Variants in ITPR2 observed in about 807,000 individuals in gnomAD.
ITPR2 encodes the protein inositol 1,4,5-trisphosphate receptor type 2, also known as inositol 1,4,5-trisphosphate-gated calcium channel ITPR2.
ITPR2 carries 207 observed loss-of-function variants against 317.1 expected under a neutral mutation model. The observed-to-expected ratio is 0.65, with a 90% CI of 0.58 to 0.73. The LOEUF (loss-of-function observed/expected upper bound fraction) is 0.73. Among genes scored for constraint, ITPR2 ranks in the 30% least tolerant of loss-of-function variants. The pLI is 0.00. For missense variants in ITPR2, 2,613 were observed against 3,284.0 expected (o/e 0.80, Z 4.99); for synonymous variants, 1,156 against 1,149.1 (o/e 1.01, Z -0.12).
intron 55 of ITPR2, among the ~76,000 whole-genome samples, chr12:26,359,780 T>C (rs552200353): frequency 2.0e-5 from 3 of 152,066 alleles, no homozygotes; most frequent in Admixed American, 2.0e-4. Context: ...AGTTAACACA[T>C]TTTCAGGGAC....
At chr12:26,608,450 C>T (rs1946188396) in intron 26 of ITPR2, among the ~76,000 whole-genome samples, 1 of 152,042 alleles carries the variant, frequency 6.6e-6, no homozygotes, top group Non-Finnish European at 1.5e-5. Flanking sequence ...CCGGCAGCCC[C>T]ACTGTCTGTG....
chr12:26,686,431 T>A, intron 11 of ITPR2, 50 bp downstream of exon 11: 1 of 1,230,456 alleles, frequency 8.1e-7, no homozygotes. Context: ...ATTCCTCACC[T>A]ACTGGTATAA....
chr12:26,607,027 T>C (rs1946146215), intron 26 of ITPR2, among the ~76,000 whole-genome samples: 1 of 152,192 alleles, frequency 6.6e-6, no homozygotes, highest in African/African-American at 2.4e-5. Context: ...ATTTTCCAAA[T>C]CCTACAATGT....
intron 34 of ITPR2, among the ~76,000 whole-genome samples, chr12:26,578,247 C>A (rs1945320688): frequency 6.6e-6 from 1 of 151,692 alleles, no homozygotes; most frequent in African/African-American, 2.4e-5. Context: ...CTTCTAGAAT[C>A]TACTCACCTT....
chr12:26,493,386 C>T (rs1018030827), intron 39 of ITPR2, among the ~76,000 whole-genome samples: 17 of 152,124 alleles, frequency 1.1e-4, no homozygotes, highest in African/African-American at 4.1e-4. Flanking sequence ...TAATTATATA[C>T]TTAGTAGTAA....
Position 26,483,726 on chromosome 12 carries a change from T to A in ITPR2, c.5984A>T (p.Tyr1995Phe). ...VNQNLESLTE[Y>F]CQGPCHENQT... ...ATTTTCATGGCAAGGGCCCTGGCAATACTCAGTCAAGCTCTCCAGGTTCTG... is the reference window on the plus strand; with the variant it reads ...ATTTTCATGGCAAGGGCCCTGGCAAAACTCAGTCAAGCTCTCCAGGTTCTG... Residue 1995 changes from tyrosine (Y) to phenylalanine (F), a missense_variant, in exon 42 of 57, where the codon TAT (tyrosine) becomes TTT (phenylalanine). Tyr to Phe is a conservative substitution (Grantham distance 22). This residue lies in a region of ITPR2 where 926 missense variants were observed against 1,072.8 expected (regional missense o/e 0.86). Coordinates refer to ENST00000381340, the MANE Select transcript of ITPR2 (RefSeq NM_002223.4). 6.2e-7 allele frequency: 1 copy of A among 1,614,134 alleles called. No homozygotes were observed. Among genetic ancestry groups the A allele is most frequent in the African/African-American group, 1.3e-5 (1 of 75,064 alleles).
chr12:26,426,668 G>C (rs1941069947), intron 49 of ITPR2, among the ~76,000 whole-genome samples: 1 of 152,048 alleles, frequency 6.6e-6, no homozygotes, highest in South Asian at 2.1e-4. Context: ...GAATGTTCTA[G>C]CTAATTGGGA....
chr12:26,561,781 T>C lies in ITPR2; in HGVS notation c.4802A>G (p.Asn1601Ser). 1 of 1,575,664 alleles carries C rather than the reference T, an allele frequency of 6.3e-7. No individual in the cohort carries two copies. Among genetic ancestry groups the C allele is most frequent in the Non-Finnish European group, 8.5e-7 (1 of 1,169,766 alleles). Reference protein sequence around the residue: ...ALGGPAWDYRNIIEKLQDVVA... With the variant: ...ALGGPAWDYRSIIEKLQDVVA... Reference sequence around the variant, plus strand: ...ATGTACCTGTAACTTTTCAATAATATTTCTGTAATCCCAAGCAGGCCCTCC... The same window carrying C: ...ATGTACCTGTAACTTTTCAATAATACTTCTGTAATCCCAAGCAGGCCCTCC... Residue 1601 changes from asparagine (N) to serine (S), a missense_variant, in exon 35 of 57, where the codon AAT (asparagine) becomes AGT (serine). Transcript: ENST00000381340.
intron 37 of ITPR2, among the ~76,000 whole-genome samples, chr12:26,529,321 G>A (rs138842790): frequency 2.0e-5 from 3 of 152,262 alleles, no homozygotes; most frequent in African/African-American, 7.2e-5. Flanking sequence ...TCATGACCTA[G>A]TGCTACCTGT....
At chr12:26,464,157 C>T (rs1261268741) in intron 45 of ITPR2, among the ~76,000 whole-genome samples, 1 of 152,106 alleles carries the variant, frequency 6.6e-6, no homozygotes. Flanking sequence ...AGCAATTTTT[C>T]CATGGACTGG....
chr12:26,593,672 C>G lies in ITPR2; in HGVS notation c.4380+1793G>C, dbSNP rs138438168. Among the ~76,000 whole-genome samples the G allele has an allele frequency of 7.0e-3, 1,066 of 151,666 alleles. 13 individuals are homozygous for G. Among genetic ancestry groups the G allele is most frequent in the African/African-American group, 0.025 (1,034 of 41,334 alleles). Reference sequence around the variant, plus strand: ...AGAAGATATTGAAATTCCCCTAGAGCTTTAATATAATAAATAACATTAATT... The same window carrying G: ...AGAAGATATTGAAATTCCCCTAGAGGTTTAATATAATAAATAACATTAATT... On this transcript the variant is annotated intron_variant, in intron 32 of 56. Coordinates refer to ENST00000381340, the MANE Select transcript of ITPR2 (RefSeq NM_002223.4).
At chr12:26,807,578 G>C (rs932235149) in intron 1 of ITPR2, among the ~76,000 whole-genome samples, 1 of 152,146 alleles carries the variant, frequency 6.6e-6, no homozygotes, top group Non-Finnish European at 1.5e-5. Context: ...ATTTACAGCA[G>C]GTTTCACAAG....
At chr12:26,681,766 C>G in intron 13 of ITPR2, 108 bp downstream of exon 13, 1 of 715,388 alleles carries the variant, frequency 1.4e-6, no homozygotes, top group South Asian at 2.3e-5. Flanking sequence ...AGCAAGTGTG[C>G]TATCGAGAAT....
chr12:26,832,864 G>C lies in ITPR2; in HGVS notation c.-83C>G. 2 of 1,109,244 alleles carry C rather than the reference G, an allele frequency of 1.8e-6. 1 individual carries two copies. 68.7% of individuals were successfully genotyped at this position (1,109,244 alleles called of 1,614,324 possible). ...TCTCCAGGGAGCCGCCGCGGCAGAAGCGGATCGGATCGCGGGACTACAGCG... is the reference window on the plus strand; with the variant it reads ...TCTCCAGGGAGCCGCCGCGGCAGAACCGGATCGGATCGCGGGACTACAGCG... On this transcript the variant is annotated 5_prime_UTR_variant, in exon 1 of 57. Transcript: ENST00000381340.
At chr12:26,445,854 G>A (rs1044516322) in intron 45 of ITPR2, among the ~76,000 whole-genome samples, 2 of 152,156 alleles carry the variant, frequency 1.3e-5, no homozygotes, top group Non-Finnish European at 2.9e-5. Context: ...CAGGGATAAA[G>A]GTGGATTTTT....
chr12:26,666,560 C>A (rs1305171539), intron 13 of ITPR2, among the ~76,000 whole-genome samples: 1 of 152,108 alleles, frequency 6.6e-6, no homozygotes, highest in Non-Finnish European at 1.5e-5. Flanking sequence ...TCTTTTTTTA[C>A]TGTTAAACTA....
intron 2 of ITPR2, among the ~76,000 whole-genome samples, chr12:26,760,593 C>T (rs1280782475): frequency 2.4e-4 from 37 of 152,178 alleles, no homozygotes; most frequent in Admixed American, 2.2e-3. Flanking sequence ...TAACAAATCC[C>T]TTGTCTATAA....
At chr12:26,425,397 A>G (rs111686567) in intron 49 of ITPR2, among the ~76,000 whole-genome samples, 1 of 152,100 alleles carries the variant, frequency 6.6e-6, no homozygotes, top group Non-Finnish European at 1.5e-5. Flanking sequence ...GGCCAGGCGC[A>G]GTGGCTCACG....
At position 26,674,316 on chromosome 12, in the gene ITPR2, C is replaced by T. The variant is rs11048639; in HGVS notation, c.1409+7558G>A. On this transcript the variant is annotated intron_variant, in intron 13 of 56. Transcript: ENST00000381340. ...AACTATACTACAAGGCTATAGTAAC[C>T]AAAACAGCATGGTACTGGTACCAAA... Among the ~76,000 whole-genome samples the T allele has an allele frequency of 5.0e-4, 76 of 152,206 alleles. No individual in the cohort carries two copies. In the East Asian group the frequency reaches 0.014, roughly 27 times the overall value.
Sources: allele counts gnomAD v4.1 joint callset (sites outside exome capture counted in the v4.1 genomes callset), GRCh38; gene constraint gnomAD v4.1.1; regional missense constraint gnomAD v4.1.1; transcripts MANE v1.5; gene names NCBI Gene and HGNC (gene_info 2026-07-23, HGNC 2026-07-21).